CDKAL1: variants seen among roughly 807,000 people sequenced by gnomAD.
The protein encoded by CDKAL1 is CDKAL1 threonylcarbamoyladenosine tRNA methylthiotransferase, also known as threonylcarbamoyladenosine tRNA methylthiotransferase.
A neutral mutation model predicts 68.2 loss-of-function variants in CDKAL1; 32 were observed. That is an observed-to-expected ratio of 0.47 (90% CI 0.35 to 0.63). CDKAL1 has a LOEUF of 0.63. Ranked by LOEUF, CDKAL1 falls within the 30% of genes least tolerant of loss-of-function variation. The pLI is 0.00. For synonymous variants in CDKAL1, 234 were observed against 244.3 expected (o/e 0.96, Z 0.39); for missense variants, 606 against 696.7 (o/e 0.87, Z 1.47).
chr6:21,005,196 G>A (rs1487120854), intron 11 of CDKAL1, among the ~76,000 whole-genome samples: 2 of 152,110 alleles, frequency 1.3e-5, no homozygotes, highest in African/African-American at 4.8e-5. Flanking sequence ...AGGGTTCCCA[G>A]GGCCTTGAGG....
At chr6:20,716,034 T>C (rs1772075667) in intron 5 of CDKAL1, among the ~76,000 whole-genome samples, 1 of 152,148 alleles carries the variant, frequency 6.6e-6, no homozygotes, top group Admixed American at 6.6e-5. Flanking sequence ...TCATGGGATA[T>C]GACATTTGAA....
chr6:20,970,876 G>C (rs945701650), intron 10 of CDKAL1, among the ~76,000 whole-genome samples: 1 of 152,162 alleles, frequency 6.6e-6, no homozygotes, highest in Non-Finnish European at 1.5e-5. Context: ...TTGAGACCAA[G>C]TCTCGCTCTG....
At chr6:21,092,254 CTTT>C (rs373536956) in intron 12 of CDKAL1, among the ~76,000 whole-genome samples, 15 of 126,492 alleles carry the variant, frequency 1.2e-4, no homozygotes, top group East Asian at 2.3e-4. Flanking sequence ...TTAACTGATT[CTTT>C]TTTTTTTTTT....
chr6:20,843,428 A>T (rs1387822122), intron 8 of CDKAL1, among the ~76,000 whole-genome samples: 1 of 152,026 alleles, frequency 6.6e-6, no homozygotes, highest in Non-Finnish European at 1.5e-5. Flanking sequence ...AAATGCTTGG[A>T]ACCAGCATTT....
chr6:20,550,792 T>G (rs992621631), intron 4 of CDKAL1, among the ~76,000 whole-genome samples: 5 of 152,060 alleles, frequency 3.3e-5, no homozygotes, highest in Non-Finnish European at 7.4e-5. Context: ...TATGTTATCT[T>G]GCTTAGTCCT....
intron 12 of CDKAL1, among the ~76,000 whole-genome samples, chr6:21,091,956 G>C: frequency 7.7e-6 from 1 of 129,822 alleles, no homozygotes; most frequent in Admixed American, 9.2e-5. Flanking sequence ...GCGTGATCTC[G>C]GCTCACTGCA....
At chr6:20,978,348 A>G (rs73379526) in intron 10 of CDKAL1, among the ~76,000 whole-genome samples, 2,018 of 152,298 alleles carry the variant, frequency 0.013, 44 homozygotes, top group African/African-American at 0.045. Context: ...CAGTGCAGGA[A>G]AAAGGGCAAT....
At chr6:20,818,793 G>A (rs771450253) in intron 8 of CDKAL1, among the ~76,000 whole-genome samples, 3 of 151,610 alleles carry the variant, frequency 2.0e-5, no homozygotes, top group Non-Finnish European at 4.4e-5. Flanking sequence ...TGCCTCTGTT[G>A]TCATGGAGTC....
intron 12 of CDKAL1, among the ~76,000 whole-genome samples, chr6:21,072,198 G>A (rs554117820): frequency 6.6e-6 from 1 of 152,096 alleles, no homozygotes; most frequent in South Asian, 2.1e-4. Context: ...TATTTACTTC[G>A]CCTCTTAGAT....
chr6:20,849,321 C>T (rs949658902), intron 9 of CDKAL1, among the ~76,000 whole-genome samples: 7 of 151,970 alleles, frequency 4.6e-5, no homozygotes, highest in Admixed American at 6.5e-5. Context: ...CCGTGGCTCA[C>T]GCCTGTAATC....
chr6:21,202,058 T>A (rs1582408070), intron 15 of CDKAL1, among the ~76,000 whole-genome samples: 1 of 152,338 alleles, frequency 6.6e-6, no homozygotes, highest in East Asian at 1.9e-4. Context: ...GTGCATAATC[T>A]TGTTCCTCAA....
At chr6:20,743,289 T>C (rs1057486128) in intron 6 of CDKAL1, among the ~76,000 whole-genome samples, 1 of 152,190 alleles carries the variant, frequency 6.6e-6, no homozygotes, top group African/African-American at 2.4e-5. Flanking sequence ...TATCTTCTGC[T>C]AGCCTTTATC....
At chr6:20,620,808 T>C (rs1220023456) in intron 4 of CDKAL1, among the ~76,000 whole-genome samples, 1 of 152,102 alleles carries the variant, frequency 6.6e-6, no homozygotes, top group Non-Finnish European at 1.5e-5. Context: ...TATGGAATGC[T>C]CCTATAGGTG....
At chr6:20,715,145 T>A (rs1489764163) in intron 5 of CDKAL1, among the ~76,000 whole-genome samples, 1 of 152,226 alleles carries the variant, frequency 6.6e-6, no homozygotes, top group Non-Finnish European at 1.5e-5. Context: ...ATACATTGCA[T>A]CTTTCAACTT....
intron 15 of CDKAL1, among the ~76,000 whole-genome samples, chr6:21,210,908 G>A (rs544422653): frequency 4.6e-5 from 7 of 152,138 alleles, no homozygotes; most frequent in Admixed American, 2.6e-4. Context: ...AAGAGGTGTC[G>A]CCTCTGCTCC....
intron 13 of CDKAL1, among the ~76,000 whole-genome samples, chr6:21,131,425 A>C (rs1775314253): frequency 6.6e-6 from 1 of 152,180 alleles, no homozygotes; most frequent in Admixed American, 6.5e-5. Context: ...GTTTAATTTC[A>C]GTTTTCTTGT....
intron 13 of CDKAL1, among the ~76,000 whole-genome samples, chr6:21,139,329 A>C (rs2151031924): frequency 6.6e-6 from 1 of 152,340 alleles, no homozygotes; most frequent in South Asian, 2.1e-4. Context: ...CATCCAGTAA[A>C]ATGCACAATG....
At chr6:20,622,718 A>C (rs924534586) in intron 4 of CDKAL1, among the ~76,000 whole-genome samples, 1 of 129,098 alleles carries the variant, frequency 7.7e-6, no homozygotes, top group African/African-American at 2.9e-5. Flanking sequence ...CAAAAGGCCG[A>C]GAAGTGATAT....
rs907536652 is a variant in CDKAL1 at position 20,724,425 on chromosome 6, C to A, written c.372-15094C>A. 2.6e-5 allele frequency among the ~76,000 whole-genome samples: 4 copies of A among 151,748 alleles called. No individual in the cohort carries two copies. The East Asian group carries it at 7.8e-4, about 30-fold the overall frequency. ...TTTAATTCTGATTACATGGCCAATT[C>A]TAAATTTGAGACCAGGTACAGTGGC... On this transcript the variant is annotated intron_variant, in intron 5 of 15. Coordinates refer to ENST00000274695, the MANE Select transcript of CDKAL1 (RefSeq NM_017774.3).
Sources: gnomAD v4.1 joint callset for allele counts (sites outside exome capture counted in the v4.1 genomes callset) on GRCh38, gnomAD v4.1.1 for gene constraint, MANE v1.5 for transcripts, NCBI Gene and HGNC (gene_info 2026-07-23, HGNC 2026-07-21) for gene names.